Variants in LOXL2 observed in about 807,000 individuals in gnomAD.
LOXL2 encodes the protein lysyl oxidase homolog 2.
In LOXL2, 70 loss-of-function variants were observed where a neutral mutation model predicts 93.0. That is an observed-to-expected ratio of 0.75 (90% CI 0.62 to 0.92). The LOEUF is 0.92. Ranked by LOEUF, LOXL2 falls within the 40% of genes least tolerant of loss-of-function variation. The pLI, the probability that LOXL2 is intolerant of heterozygous loss-of-function variation, is 0.00. For synonymous variants in LOXL2, 438 were observed against 413.2 expected (o/e 1.06, Z -0.73); for missense variants, 973 against 1,054.9 (o/e 0.92, Z 1.08).
intron 10 of LOXL2, among the ~76,000 whole-genome samples, chr8:23,307,394 C>A (rs1467531656): frequency 6.6e-6 from 1 of 152,118 alleles, no homozygotes; most frequent in Non-Finnish European, 1.5e-5. Flanking sequence ...CCTCCCATCC[C>A]CTCCCAAGCC....
In LOXL2 at chr8:23,370,301, A is replaced by G. The variant is rs1404775179; in HGVS notation, c.-83-1867T>C. Among the ~76,000 whole-genome samples, 2 of 152,124 alleles carry G rather than the reference A, an allele frequency of 1.3e-5. 1 individual carries two copies. The highest frequency in any genetic ancestry group is 2.9e-5 in the Non-Finnish European group (2 of 68,020). ...GTGCAATCCTTCCTGTTCTTCACAG[A>G]GACCTTCCTAGGTCCTCCTATCAGA... On this transcript the variant is annotated intron_variant, in intron 1 of 13. Coordinates refer to ENST00000389131, the MANE Select transcript of LOXL2 (RefSeq NM_002318.3).
Position 23,297,823 on chromosome 8 carries a change from C to A in LOXL2, c.*220G>T, listed in dbSNP as rs866948084. The A allele has an allele frequency of 5.7e-6, 3 of 529,604 alleles. No individual in the cohort carries two copies. The highest frequency in any genetic ancestry group is 1.0e-5 in the Non-Finnish European group (3 of 296,374). The allele number at this position is 529,604 out of a possible 1,614,324, so 32.8% of individuals were successfully genotyped here. Reference sequence around the variant, plus strand: ...CAGCTCTGTGGACAAACCCCACCCCCGCAAGGCCTTCTCAGGCCCCAAGGG... The same window carrying A: ...CAGCTCTGTGGACAAACCCCACCCCAGCAAGGCCTTCTCAGGCCCCAAGGG... On this transcript the variant is annotated 3_prime_UTR_variant, in exon 14 of 14. Transcript: ENST00000389131.
intron 4 of LOXL2, among the ~76,000 whole-genome samples, chr8:23,335,896 C>A (rs1030166231): frequency 6.6e-6 from 1 of 152,214 alleles, no homozygotes; most frequent in East Asian, 1.9e-4. Flanking sequence ...TTCTAGTGTG[C>A]TTGTGAACAC....
In LOXL2 at chr8:23,297,008, G is replaced by C. The variant is rs1803038884; in HGVS notation, c.*1035C>G. The stretch of plus-strand genomic sequence containing the variant: ...CAGATGGTAGGAGCTGCCCCTTTTG[G>C]AGTCTATTGAAGGAGGTGCCCTGGT... On this transcript the variant is annotated 3_prime_UTR_variant, in exon 14 of 14. Coordinates refer to ENST00000389131, the MANE Select transcript of LOXL2 (RefSeq NM_002318.3). Among the ~76,000 whole-genome samples the C allele has an allele frequency of 6.6e-6, 1 of 152,100 alleles. No individual in the cohort carries two copies. The highest frequency in any genetic ancestry group is 1.5e-5 in the Non-Finnish European group (1 of 68,020).
At chr8:23,394,689 T>C (rs1800066188) in intron 1 of LOXL2, among the ~76,000 whole-genome samples, 1 of 152,128 alleles carries the variant, frequency 6.6e-6, no homozygotes, top group African/African-American at 2.4e-5. Context: ...AAAAACAATT[T>C]GGTGATTCCT....
At chr8:23,376,648 TC>T (rs1295886839) in intron 1 of LOXL2, among the ~76,000 whole-genome samples, 1 of 152,224 alleles carries the variant, frequency 6.6e-6, no homozygotes, top group African/African-American at 2.4e-5. Context: ...GGATTCAACT[TC>T]TTCCTGGTTT....
chr8:23,309,656 A>G lies in LOXL2; in HGVS notation c.1880+12T>C. 5 of 1,425,120 alleles carry G rather than the reference A, an allele frequency of 3.5e-6. No homozygotes were observed. Among genetic ancestry groups the G allele is most frequent in the Non-Finnish European group, 4.6e-6 (5 of 1,080,268 alleles). 88.3% of individuals were successfully genotyped at this position (1,425,120 alleles called of 1,614,324 possible). ...GGGCAGCTTAGTGGGGAGGGTGGCC[A>G]GCCAGGCCTACCTGTGACAGTCGTG... On this transcript the variant is annotated intron_variant, in intron 10 of 13. Coordinates refer to ENST00000389131, the MANE Select transcript of LOXL2 (RefSeq NM_002318.3).
chr8:23,325,608 C>G (rs1375502368), intron 6 of LOXL2, among the ~76,000 whole-genome samples: 1 of 152,202 alleles, frequency 6.6e-6, no homozygotes, highest in African/African-American at 2.4e-5. Context: ...CAGCACCGGT[C>G]TAGTGTTGGA....
At chr8:23,361,658 T>C (rs1187180339) in intron 2 of LOXL2, among the ~76,000 whole-genome samples, 3 of 151,984 alleles carry the variant, frequency 2.0e-5, no homozygotes, top group South Asian at 2.1e-4. Flanking sequence ...CTGGCCAACA[T>C]GGTGAAACCC....
chr8:23,341,522 C>A, intron 3 of LOXL2: 1 of 437,138 alleles, frequency 2.3e-6, no homozygotes, highest in Non-Finnish European at 4.2e-6. Flanking sequence ...CAAAGGGCAG[C>A]AGCCTCCTCC....
At chr8:23,372,763 A>G (rs1804519684) in intron 1 of LOXL2, among the ~76,000 whole-genome samples, 1 of 152,216 alleles carries the variant, frequency 6.6e-6, no homozygotes, top group Non-Finnish European at 1.5e-5. Context: ...TGATAGAACT[A>G]AAAGGAAAAA....
chr8:23,354,841 A>T (rs1465232229), intron 3 of LOXL2, among the ~76,000 whole-genome samples: 1 of 150,310 alleles, frequency 6.7e-6, no homozygotes, highest in African/African-American at 2.5e-5. Context: ...CTCACCACTA[A>T]CTTAGGGTAG....
At chr8:23,353,012 G>T (rs916044733) in intron 3 of LOXL2, among the ~76,000 whole-genome samples, 4 of 141,120 alleles carry the variant, frequency 2.8e-5, no homozygotes, top group African/African-American at 1.0e-4. Context: ...GGGGTGGGGA[G>T]GGGTGGAGTG....
chr8:23,317,099 G>C lies in LOXL2; in HGVS notation c.1486C>G (p.His496Asp). 1 of 1,614,126 alleles carries C rather than the reference G, an allele frequency of 6.2e-7. No homozygotes were observed. Among genetic ancestry groups the C allele is most frequent in the Non-Finnish European group, 8.5e-7 (1 of 1,180,008 alleles). The change falls in exon 9 of 14, where the codon CAC becomes GAC. Residue 496 changes from histidine to aspartate, a missense_variant. Transcript: ENST00000389131. ...ACTTTGTTGCTGTTGACATCTCCGT[G>C]CCAATACCAGGTCTCCTGGAAGAAC... The part of the protein sequence containing the change: ...SNAFQETWYW[H>D]GDVNSNKVVM...
chr8:23,305,271 C>T (rs552405459), intron 10 of LOXL2, among the ~76,000 whole-genome samples: 54 of 152,326 alleles, frequency 3.5e-4, no homozygotes, highest in African/African-American at 1.3e-3. Flanking sequence ...CACAGACAGA[C>T]TCTTGTAAGG....
rs202229138 is a variant in LOXL2, at chr8:23,332,162, ACACT to A, written c.966+1235_966+1238del. Among the ~76,000 whole-genome samples, 834 of 150,774 alleles carry A rather than the reference ACACT, an allele frequency of 5.5e-3. 4 individuals are homozygous for A. Among genetic ancestry groups the A allele is most frequent in the African/African-American group, 0.015 (605 of 41,028 alleles). On this transcript the variant is annotated intron_variant, in intron 5 of 13. Transcript: ENST00000389131. ...GCATTTCAGGAATACACTCACACAC[ACACT>A]CACACTCTCTCACACACACACACAC... is the stretch of plus-strand genomic sequence containing the variant.
At chr8:23,304,408 G>A (rs1000199393) in intron 10 of LOXL2, among the ~76,000 whole-genome samples, 1 of 152,214 alleles carries the variant, frequency 6.6e-6, no homozygotes. Context: ...AAGGAAGGAG[G>A]TTGTCTTAGC....
intron 1 of LOXL2, among the ~76,000 whole-genome samples, chr8:23,376,886 A>C (rs1438230426): frequency 1.3e-5 from 2 of 152,040 alleles, no homozygotes; most frequent in Non-Finnish European, 2.9e-5. Context: ...TTTTCAAAAA[A>C]CCAGCTCCTG....
At chr8:23,350,288 C>T (rs1353273095) in intron 3 of LOXL2, among the ~76,000 whole-genome samples, 1 of 152,160 alleles carries the variant, frequency 6.6e-6, no homozygotes, top group Non-Finnish European at 1.5e-5. Flanking sequence ...GTTTAAGAGG[C>T]TGCTGGGGGA....
Sources: allele counts gnomAD v4.1 joint callset (sites outside exome capture counted in the v4.1 genomes callset), GRCh38; gene constraint gnomAD v4.1.1; transcripts MANE v1.5; gene names NCBI Gene and HGNC (gene_info 2026-07-23, HGNC 2026-07-21).